Variants in ATF2 observed in about 807,000 individuals in gnomAD.
ATF2 encodes the protein cyclic AMP-dependent transcription factor ATF-2.
Under a neutral mutation model 60.6 loss-of-function variants are expected in ATF2, and 24 were observed. That is an observed-to-expected ratio of 0.40 (90% CI 0.29 to 0.56). The LOEUF (loss-of-function observed/expected upper bound fraction) is 0.56, where lower values mean the gene tolerates loss of function less well. Among genes scored for constraint, ATF2 ranks in the 20% least tolerant of loss-of-function variants. The pLI is 0.54. For synonymous variants in ATF2, 206 were observed against 215.4 expected (o/e 0.96, Z 0.38); for missense variants, 433 against 607.7 (o/e 0.71, Z 3.02).
chr2:175,142,710 A>AGT (rs1698640088), intron 2 of ATF2, among the ~76,000 whole-genome samples: 6 of 129,564 alleles, frequency 4.6e-5, no homozygotes, highest in African/African-American at 1.4e-4. Flanking sequence ...AGAGAGAGAG[A>AGT]GAGAGAGAGA....
Position 175,122,281 on chromosome 2 carries a change from A to G in ATF2, c.103-741T>C, listed in dbSNP as rs191621801. Among the ~76,000 whole-genome samples the G allele has an allele frequency of 1.3e-3, 198 of 152,148 alleles. 1 individual carries two copies. The highest frequency in any genetic ancestry group is 4.7e-3 in the African/African-American group (195 of 41,556). ...CAAAGGTAACATTTATGATTACAAC[A>G]TAATAAATGCATTATCTCCAATGTC... On this transcript the variant is annotated intron_variant, in intron 4 of 13. Coordinates refer to ENST00000264110, the MANE Select transcript of ATF2 (RefSeq NM_001880.4).
intron 13 of ATF2, among the ~76,000 whole-genome samples, chr2:175,078,299 T>C (rs1023740674): frequency 4.0e-5 from 6 of 150,898 alleles, no homozygotes; most frequent in South Asian, 2.1e-4. Flanking sequence ...ATAAAAGTAT[T>C]TGTGGTTGAT....
intron 1 of ATF2, among the ~76,000 whole-genome samples, chr2:175,163,621 A>C (rs931398515): frequency 6.6e-6 from 1 of 151,206 alleles, no homozygotes; most frequent in South Asian, 2.1e-4. Context: ...TCAAAATGCC[A>C]AGGAAAAAAA....
At chr2:175,122,082 C>T (rs1696993920) in intron 4 of ATF2, among the ~76,000 whole-genome samples, 2 of 151,726 alleles carry the variant, frequency 1.3e-5, no homozygotes, top group South Asian at 2.1e-4. Flanking sequence ...GAAATAGCAA[C>T]CGATACAATA....
chr2:175,079,675 A>G (rs1239106111), intron 13 of ATF2, among the ~76,000 whole-genome samples: 2 of 152,144 alleles, frequency 1.3e-5, no homozygotes, highest in Admixed American at 1.3e-4. Context: ...GCTTATAATG[A>G]CTACAAGTAA....
chr2:175,168,196 G>C lies in ATF2; in HGVS notation c.-289C>G, dbSNP rs1311518421. 2.0e-5 allele frequency: 3 copies of C among 153,320 alleles called. No individual in the cohort carries two copies. Among genetic ancestry groups the C allele is most frequent in the Non-Finnish European group, 4.4e-5 (3 of 68,526 alleles). 9.5% of individuals were successfully genotyped at this position (153,320 alleles called of 1,614,324 possible). A position where few individuals can be genotyped will look rare whatever the true frequency, so the allele number is the denominator to read the frequency against. ...GGCTTCCGTCCTCTCTCGCGAGATC[G>C]GACTGACAACCCCCGCCCGCTCGCC... On this transcript the variant is annotated 5_prime_UTR_variant, in exon 1 of 14. Coordinates refer to ENST00000264110, the MANE Select transcript of ATF2 (RefSeq NM_001880.4).
intron 2 of ATF2, among the ~76,000 whole-genome samples, chr2:175,143,321 A>T (rs748960120): frequency 6.6e-6 from 1 of 152,180 alleles, no homozygotes; most frequent in Non-Finnish European, 1.5e-5. Context: ...TAGTATTACA[A>T]CTTCCTCTAA....
chr2:175,092,712 T>C (rs188863165), intron 12 of ATF2: 1 of 365,472 alleles, frequency 2.7e-6, no homozygotes. Flanking sequence ...AGTTGTGCTA[T>C]AAACCAAAAA....
intron 2 of ATF2, among the ~76,000 whole-genome samples, chr2:175,149,778 C>A (rs147370493): frequency 0.013 from 1,914 of 152,260 alleles, 30 homozygotes; most frequent in African/African-American, 0.042. Context: ...TAATCTCTGG[C>A]TCTAGCTATG....
intron 1 of ATF2, chr2:175,167,698 A>G: frequency 2.0e-6 from 1 of 501,156 alleles, no homozygotes; most frequent in Non-Finnish European, 4.1e-6. Flanking sequence ...GGACCTCTGA[A>G]CTGACCCAAG....
intron 10 of ATF2, among the ~76,000 whole-genome samples, chr2:175,099,385 G>A (rs1187931440): frequency 6.6e-6 from 1 of 152,104 alleles, no homozygotes; most frequent in Non-Finnish European, 1.5e-5. Context: ...TTACAGGTGT[G>A]AGCCATCGTG....
rs370630669 is a variant in ATF2 at position 175,164,007 on chromosome 2, A to G, written c.-143+4043T>C. Reference sequence around the variant, plus strand: ...TTGAAAAGATATATATAATGAATACATATTTATTTATAATTATATAATATG... The same window carrying G: ...TTGAAAAGATATATATAATGAATACGTATTTATTTATAATTATATAATATG... On this transcript the variant is annotated intron_variant, in intron 1 of 13. Coordinates refer to ENST00000264110, the MANE Select transcript of ATF2 (RefSeq NM_001880.4). Among the ~76,000 whole-genome samples the G allele has an allele frequency of 4.0e-5, 6 of 148,926 alleles. No individual in the cohort carries two copies. The South Asian group carries it at 6.3e-4, about 16-fold the overall frequency.
intron 1 of ATF2, chr2:175,167,807 C>T (rs1048359742): frequency 2.3e-6 from 1 of 441,454 alleles, no homozygotes; most frequent in African/African-American, 2.0e-5. Flanking sequence ...GCCGGAACAA[C>T]GAACGCTGGT....
chr2:175,142,712 AGAGAGAGAGTGTGTGT>A (rs1387433357), intron 2 of ATF2, among the ~76,000 whole-genome samples: 1 of 124,026 alleles, frequency 8.1e-6, no homozygotes, highest in East Asian at 2.6e-4. Flanking sequence ...AGAGAGAGAG[AGAGAGAGAGTGTGTGT>A]GTGTGTGTGT....
intron 5 of ATF2, 73 bp downstream of exon 5, chr2:175,121,371 A>C: frequency 2.0e-6 from 2 of 980,786 alleles, no homozygotes; most frequent in Non-Finnish European, 2.9e-6. Context: ...TATTATTTAC[A>C]GAGAATACAC....
chr2:175,103,629 C>T (rs1198359248), intron 10 of ATF2, among the ~76,000 whole-genome samples: 1 of 150,034 alleles, frequency 6.7e-6, no homozygotes, highest in Non-Finnish European at 1.5e-5. Flanking sequence ...AGAAAACCTA[C>T]TGGCTACCCA....
chr2:175,093,198 C>T lies in ATF2; in HGVS notation c.1048G>A (p.Asp350Asn). 6.2e-7 allele frequency: 1 copy of T among 1,614,100 alleles called. No individual in the cohort carries two copies. Among genetic ancestry groups the T allele is most frequent in the Non-Finnish European group, 8.5e-7 (1 of 1,180,008 alleles). ...AACTTTCTCCTTTTTTCATCAGGAT[C>T]TTCGTTAGCTGCTCTTCTCCGACGA... The part of the protein sequence containing the change: ...SGRRRRAANE[D>N]PDEKRRKFLE... The change falls in exon 12 of 14, where the codon GAT becomes AAT. Residue 350 changes from aspartate to asparagine, a missense_variant. By Grantham distance (23) the Asp-to-Asn change is conservative. Transcript: ENST00000264110.
intron 2 of ATF2, among the ~76,000 whole-genome samples, chr2:175,144,407 A>G (rs1334230438): frequency 1.3e-5 from 2 of 152,256 alleles, no homozygotes; most frequent in Non-Finnish European, 2.9e-5. Flanking sequence ...AGACAGGCTC[A>G]TTACCAAATG....
At chr2:175,126,623 CA>C (rs1157161219) in intron 4 of ATF2, among the ~76,000 whole-genome samples, 1 of 152,118 alleles carries the variant, frequency 6.6e-6, no homozygotes, top group Non-Finnish European at 1.5e-5. Flanking sequence ...TAATGTTCAG[CA>C]ATCAGTTTTT....
Sources: allele counts gnomAD v4.1 joint callset (sites outside exome capture counted in the v4.1 genomes callset), GRCh38; gene constraint gnomAD v4.1.1; transcripts MANE v1.5; gene names NCBI Gene and HGNC (gene_info 2026-07-23, HGNC 2026-07-21).